ARID1B: variants seen among roughly 807,000 people sequenced by gnomAD.
The protein encoded by ARID1B is AT-rich interaction domain 1B.
In ARID1B, 30 loss-of-function variants were observed where a neutral mutation model predicts 212.3. The ratio of observed to expected loss-of-function variants is 0.14; its 90% CI spans 0.11 to 0.19. The LOEUF (loss-of-function observed/expected upper bound fraction) is 0.19, where lower values mean the gene tolerates loss of function less well. Ranked by LOEUF, ARID1B falls within the 10% of genes least tolerant of loss-of-function variation. The pLI is 1.00. For synonymous variants in ARID1B, 1,402 were observed against 1,301.7 expected, an observed-to-expected ratio of 1.08 and a Z score of -1.66; for missense variants, 2,891 against 3,204.0, an observed-to-expected ratio of 0.90 and a Z score of 2.36.
intron 15 of ARID1B, among the ~76,000 whole-genome samples, chr6:157,192,033 C>T (rs1216425336): frequency 6.6e-6 from 1 of 152,186 alleles, no homozygotes; most frequent in East Asian, 1.9e-4. Context: ...AGGTAACACT[C>T]ATAAAGCAAG....
Position 157,210,183 on chromosome 6 carries a change from A to ATT in ARID1B, c.*2293_*2294insTT, listed in dbSNP as rs1794692766. The ATT allele has an allele frequency of 4.3e-6, 1 of 232,020 alleles. No individual in the cohort carries two copies. Among genetic ancestry groups the ATT allele is most frequent in the Non-Finnish European group, 8.5e-6 (1 of 117,366 alleles). The allele number at this position is 232,020 out of a possible 1,614,324, so 14.4% of individuals were successfully genotyped here. A position where few individuals can be genotyped will look rare whatever the true frequency, so the allele number is the denominator to read the frequency against. ...TCTTCTTACATAACAATGCAACCAA[A>ATT]TATATGTTGAATTAAAGACCCATTT... is the stretch of plus-strand genomic sequence containing the variant. On this transcript the variant is annotated 3_prime_UTR_variant, in exon 20 of 20. Transcript: ENST00000636930.
chr6:157,098,568 C>T (rs1785822157), intron 5 of ARID1B, among the ~76,000 whole-genome samples: 1 of 152,242 alleles, frequency 6.6e-6, no homozygotes, highest in African/African-American at 2.4e-5. Flanking sequence ...GGATGCCTCG[C>T]AGATCCTCAA....
intron 4 of ARID1B, among the ~76,000 whole-genome samples, chr6:156,990,502 G>A (rs11156128): frequency 0.27 from 41,364 of 151,902 alleles, 6,009 homozygotes; most frequent in Non-Finnish European, 0.32. Flanking sequence ...TTAGCTGGGC[G>A]TGGTATCATG....
intron 1 of ARID1B, among the ~76,000 whole-genome samples, chr6:156,798,180 G>A (rs1000857181): frequency 9.9e-5 from 15 of 152,210 alleles, no homozygotes; most frequent in African/African-American, 3.4e-4. Flanking sequence ...GCCTGCGCCT[G>A]CCGCTCTGCT....
At chr6:157,162,984 T>A (rs1261585707) in intron 8 of ARID1B, among the ~76,000 whole-genome samples, 1 of 152,000 alleles carries the variant, frequency 6.6e-6, no homozygotes, top group Non-Finnish European at 1.5e-5. Context: ...AGCCCAAGGG[T>A]CTGGGGGGAG....
intron 8 of ARID1B, chr6:157,150,922 C>CCGTTAA (rs2128640911): frequency 5.8e-6 from 1 of 173,268 alleles, no homozygotes; most frequent in East Asian, 1.0e-4. Flanking sequence ...AACGATCGTG[C>CCGTTAA]CGTCTGGCCG....
rs147476127 is a variant in ARID1B at position 157,154,543 on chromosome 6, G to T, written c.3089+5592G>T. 8.6e-3 allele frequency among the ~76,000 whole-genome samples: 1,291 copies of T among 150,240 alleles called. 13 individuals are homozygous for T. The highest frequency in any genetic ancestry group is 0.028 in the African/African-American group (1,150 of 40,506). On this transcript the variant is annotated intron_variant, in intron 8 of 19. Coordinates refer to ENST00000636930, the MANE Select transcript of ARID1B (RefSeq NM_001374828.1). ...GTCAGGAGCAGGGTCCTTGTCATCT[G>T]GTCCTGTTGTTGTTCTGCTCTTCTG...
chr6:157,004,422 CAT>C (rs1426618682), intron 4 of ARID1B, among the ~76,000 whole-genome samples: 7 of 152,108 alleles, frequency 4.6e-5, no homozygotes, highest in East Asian at 1.9e-4. Context: ...CCTGTGAACA[CAT>C]GTTAGAGATC....
chr6:157,201,355 C>A lies in ARID1B; in HGVS notation c.5130C>A (p.Val1710=), dbSNP rs757252042. The A allele has an allele frequency of 6.2e-7, 1 of 1,613,098 alleles. No individual in the cohort carries two copies. Among genetic ancestry groups the A allele is most frequent in the Admixed American group, 1.7e-5 (1 of 59,936 alleles). ...SMKMQKVMPT[V]PTSQVTGPPP... ...AGATGCAGAAGGTCATGCCCACGGT[C>A]CCCACATCCCAGGTCACCGGGCCAC... The change falls in exon 18 of 20, where the codon GTC becomes GTA. Residue 1710 remains valine (V), a synonymous_variant. Coordinates refer to ENST00000636930, the MANE Select transcript of ARID1B (RefSeq NM_001374828.1). The surrounding 1 kb of genome is among the most constrained non-coding windows in gnomAD (Gnocchi z 5.2).
rs374689659 is a variant in ARID1B at position 157,142,213 on chromosome 6, G to A, written c.2762-6411G>A. Reference sequence around the variant, plus strand: ...TGCCAGGGGGTGGCATGGGGATAAGGTTGACTTATAGAAGGGGAAGAGGGA... The same window carrying A: ...TGCCAGGGGGTGGCATGGGGATAAGATTGACTTATAGAAGGGGAAGAGGGA... On this transcript the variant is annotated intron_variant, in intron 7 of 19. Coordinates refer to ENST00000636930, the MANE Select transcript of ARID1B (RefSeq NM_001374828.1). Among the ~76,000 whole-genome samples, 7 of 152,174 alleles carry A rather than the reference G, an allele frequency of 4.6e-5. No homozygotes were observed. In the East Asian group the frequency reaches 7.7e-4, roughly 17 times the overall value.
chr6:156,829,300 C>T lies in ARID1B; in HGVS notation c.1865C>T (p.Pro622Leu), dbSNP rs1782974879. The change falls in exon 2 of 20, where the codon CCT becomes CTT. Residue 622 changes from proline (P) to leucine (L), a missense_variant. Around this residue, in one of 7 missense-constraint regions of ARID1B, gnomAD observed 1,643 missense variants for 1,544.0 expected, o/e 1.06. Coordinates refer to ENST00000636930, the MANE Select transcript of ARID1B (RefSeq NM_001374828.1). ...YGMGSNPHSQ[P>L]QQSSPYPGGS... The stretch of plus-strand genomic sequence containing the variant: ...ATGGGCAGTAACCCTCATTCTCAGC[C>T]TCAGCAGAGCAGTCCGTACCCAGGA... The T allele has an allele frequency of 3.1e-6, 5 of 1,614,118 alleles. No homozygotes were observed. In the South Asian group the frequency reaches 5.5e-5, roughly 18 times the overall value.
At chr6:157,090,196 C>T (rs1389255366) in intron 5 of ARID1B, among the ~76,000 whole-genome samples, 1 of 152,206 alleles carries the variant, frequency 6.6e-6, no homozygotes, top group Non-Finnish European at 1.5e-5. Context: ...AGCTTTTCCT[C>T]CATGTGCTGT....
At chr6:156,825,415 T>C (rs1782672674) in intron 1 of ARID1B, among the ~76,000 whole-genome samples, 2 of 152,260 alleles carry the variant, frequency 1.3e-5, no homozygotes, top group African/African-American at 4.8e-5. Flanking sequence ...GTGTATTTAA[T>C]GCTTTCGATT....
At chr6:156,845,608 C>T (rs990950040) in intron 2 of ARID1B, among the ~76,000 whole-genome samples, 2 of 152,098 alleles carry the variant, frequency 1.3e-5, no homozygotes, top group Non-Finnish European at 2.9e-5. Context: ...AGGGCCCCTT[C>T]TTTGGTATGT....
At chr6:156,888,311 T>TA (rs1787674480) in intron 2 of ARID1B, among the ~76,000 whole-genome samples, 1 of 152,252 alleles carries the variant, frequency 6.6e-6, no homozygotes, top group Non-Finnish European at 1.5e-5. Flanking sequence ...TTTTCTGTTT[T>TA]ACACTGTAGT....
intron 11 of ARID1B, among the ~76,000 whole-genome samples, chr6:157,179,809 A>G (rs1372283343): frequency 6.6e-6 from 1 of 152,184 alleles, no homozygotes; most frequent in Non-Finnish European, 1.5e-5. Flanking sequence ...ACCTACTTTT[A>G]CTGGAGATCA....
intron 11 of ARID1B, chr6:157,175,815 G>A (rs1399628756): frequency 6.6e-6 from 1 of 151,520 alleles, no homozygotes; most frequent in African/African-American, 2.4e-5. Context: ...AAAAAAAATG[G>A]TGCTGAAGCA....
At chr6:157,167,209 C>T (rs2128291416) in intron 9 of ARID1B, 24 bp downstream of exon 9, 1 of 1,596,532 alleles carries the variant, frequency 6.3e-7, no homozygotes, top group Non-Finnish European at 8.5e-7. Flanking sequence ...CTCTGCGCTC[C>T]TGAGCCCCTC....
At chr6:157,045,785 G>C (rs1782197807) in intron 4 of ARID1B, among the ~76,000 whole-genome samples, 1 of 152,008 alleles carries the variant, frequency 6.6e-6, no homozygotes, top group East Asian at 1.9e-4. Flanking sequence ...AAAACCTTTA[G>C]AGCAGTAGAG....
Sources: gnomAD v4.1 joint callset for allele counts (sites outside exome capture counted in the v4.1 genomes callset) on GRCh38, gnomAD v4.1.1 for gene constraint, gnomAD v4.1.1 regional missense constraint, Gnocchi (gnomAD v3.1) non-coding constraint, MANE v1.5 for transcripts, NCBI Gene and HGNC (gene_info 2026-07-23, HGNC 2026-07-21) for gene names.